The following MTUS2 variants were observed in gnomAD, a reference collection of about 807,000 sequenced individuals.
The protein encoded by MTUS2 is microtubule associated scaffold protein 2.
A neutral mutation model predicts 114.1 loss-of-function variants in MTUS2; 40 were observed. That is an observed-to-expected ratio of 0.35 (90% CI 0.27 to 0.46). The LOEUF is 0.46. Among genes scored for constraint, MTUS2 ranks in the 20% least tolerant of loss-of-function variants. The pLI, the probability that MTUS2 is intolerant of heterozygous loss-of-function variation, is 1.00. For synonymous variants in MTUS2, 688 were observed against 672.0 expected, an observed-to-expected ratio of 1.02 and a Z score of -0.37; for missense variants, 1,679 against 1,705.4, an observed-to-expected ratio of 0.98 and a Z score of 0.27.
intron 2 of MTUS2, among the ~76,000 whole-genome samples, chr13:28,854,424 T>C (rs1461952600): frequency 6.6e-6 from 1 of 152,184 alleles, no homozygotes; most frequent in Non-Finnish European, 1.5e-5. Flanking sequence ...GAGACAACAA[T>C]CCTTGCCTCC....
At chr13:29,397,879 G>A (rs912804788) in intron 8 of MTUS2, among the ~76,000 whole-genome samples, 3 of 152,018 alleles carry the variant, frequency 2.0e-5, no homozygotes, top group Non-Finnish European at 4.4e-5. Flanking sequence ...ATTAAACCAG[G>A]TTTGTTTAAT....
intron 10 of MTUS2, chr13:29,482,351 A>G (rs1427456961): frequency 6.6e-6 from 1 of 152,234 alleles, no homozygotes; most frequent in East Asian, 1.9e-4. Context: ...TAAAGCCGGG[A>G]CACGGCGGCC....
At chr13:29,370,655 T>G (rs9314951) in intron 8 of MTUS2, among the ~76,000 whole-genome samples, 30,769 of 152,126 alleles carry the variant, frequency 0.2, 3,231 homozygotes, top group Middle Eastern at 0.25. Context: ...GCTATGCTCT[T>G]GGACTTCCCA....
intron 8 of MTUS2, among the ~76,000 whole-genome samples, chr13:29,381,613 C>G (rs1872212645): frequency 6.6e-6 from 1 of 152,188 alleles, no homozygotes; most frequent in Non-Finnish European, 1.5e-5. Context: ...TAAAGTCACA[C>G]TATTAAATTG....
At chr13:29,454,104 G>A (rs1054136802) in intron 9 of MTUS2, among the ~76,000 whole-genome samples, 1 of 152,198 alleles carries the variant, frequency 6.6e-6, no homozygotes, top group Non-Finnish European at 1.5e-5. Flanking sequence ...GTCAAAGGAC[G>A]TCAATCTGTT....
chr13:28,867,895 C>T (rs907738144), intron 2 of MTUS2, among the ~76,000 whole-genome samples: 2 of 152,150 alleles, frequency 1.3e-5, no homozygotes, highest in Admixed American at 6.6e-5. Flanking sequence ...CCATCATCCC[C>T]AAGATGTGTT....
rs139775817 is a variant in MTUS2 at position 28,879,229 on chromosome 13, T to G, written c.-243+39379T>G. ...CTCTGGATATTAGACCTTTGTCAGA[T>G]GGATAGATTGCAAAAATTTTCTTCC... On this transcript the variant is annotated intron_variant, in intron 2 of 15. Coordinates refer to ENST00000612955, the MANE Select transcript of MTUS2 (RefSeq NM_001033602.4). Among the ~76,000 whole-genome samples the G allele has an allele frequency of 3.1e-3, 473 of 152,348 alleles. 3 individuals carry two copies. Among genetic ancestry groups the G allele is most frequent in the African/African-American group, 0.011 (459 of 41,580 alleles).
Position 29,148,768 on chromosome 13 carries a change from G to T in MTUS2, c.2644+47798G>T, listed in dbSNP as rs1358355373. On this transcript the variant is annotated intron_variant, in intron 5 of 15. Transcript: ENST00000612955. ...GCTGGGATTACAGGCGTGAGCCACC[G>T]CGCCCGGCCCTGTGTTTGGTTTTCT... Among the ~76,000 whole-genome samples, 18 of 60,786 alleles carry T rather than the reference G, an allele frequency of 3.0e-4. 3 individuals are homozygous for T. Among genetic ancestry groups the T allele is most frequent in the African/African-American group, 5.3e-4 (16 of 30,274 alleles). The allele number at this position is 60,786 out of a possible 152,430, so 39.9% of individuals were successfully genotyped here.
chr13:29,242,695 G>C (rs1896772921), intron 5 of MTUS2: 1 of 152,246 alleles, frequency 6.6e-6, no homozygotes, highest in African/African-American at 2.4e-5. Context: ...CTTTGTGCTG[G>C]ATCCTAAAGA....
intron 2 of MTUS2, among the ~76,000 whole-genome samples, chr13:28,922,887 A>G (rs1881123512): frequency 6.6e-6 from 1 of 152,194 alleles, no homozygotes; most frequent in Non-Finnish European, 1.5e-5. Context: ...GTAGACTTCT[A>G]TTCGGCCATC....
At chr13:29,395,040 G>A (rs1474794157) in intron 8 of MTUS2, among the ~76,000 whole-genome samples, 1 of 152,156 alleles carries the variant, frequency 6.6e-6, no homozygotes, top group Non-Finnish European at 1.5e-5. Context: ...CAGCTTTGCA[G>A]TGCCATTTCA....
Position 29,025,031 on chromosome 13 carries a change from G to A in MTUS2, c.333G>A (p.Glu111=), listed in dbSNP as rs765131891. The change falls in exon 3 of 16, where the codon GAG becomes GAA. Residue 111 remains glutamate, a synonymous_variant. Transcript: ENST00000612955. ...CCATTCAGAGGGAACTCAATGAAGA[G>A]CACACAGTGGAGAGAGGCACAGATA... is the stretch of plus-strand genomic sequence containing the variant. ...SSTIQRELNE[E]HTVERGTDSL... is the part of the protein sequence containing the mutation. 3 of 1,614,042 alleles carry A rather than the reference G, an allele frequency of 1.9e-6. No individual in the cohort carries two copies. Among genetic ancestry groups the A allele is most frequent in the South Asian group, 2.2e-5 (2 of 91,082 alleles).
chr13:28,990,833 A>G (rs1884812547), intron 2 of MTUS2, among the ~76,000 whole-genome samples: 1 of 150,646 alleles, frequency 6.6e-6, no homozygotes, highest in African/African-American at 2.4e-5. Flanking sequence ...GGTCAGCACT[A>G]CTTTTATAAG....
chr13:29,275,624 T>C (rs1898035818), intron 5 of MTUS2, among the ~76,000 whole-genome samples: 1 of 152,224 alleles, frequency 6.6e-6, no homozygotes, highest in Non-Finnish European at 1.5e-5. Flanking sequence ...ATGGGAAGTT[T>C]GTCTTTCTGT....
intron 5 of MTUS2, among the ~76,000 whole-genome samples, chr13:29,235,389 G>A (rs1181231005): frequency 3.3e-5 from 5 of 151,992 alleles, no homozygotes; most frequent in Admixed American, 6.6e-5. Context: ...GACCGCACCC[G>A]GCCAATAATG....
Position 29,111,091 on chromosome 13 carries a change from T to TA in MTUS2, c.2644+10127dup, listed in dbSNP as rs1205099057. On this transcript the variant is annotated intron_variant, in intron 5 of 15. Coordinates refer to ENST00000612955, the MANE Select transcript of MTUS2 (RefSeq NM_001033602.4). ...TGGTATTCTATGACTTTATTCTGTA[T>TA]AAAAAATGGAACCACTTATGGTCTT... Among the ~76,000 whole-genome samples the TA allele has an allele frequency of 2.6e-5, 4 of 152,264 alleles. No homozygotes were observed. In the South Asian group the frequency reaches 6.2e-4, roughly 24 times the overall value.
At chr13:28,883,147 A>T (rs765129159) in intron 2 of MTUS2, among the ~76,000 whole-genome samples, 9 of 152,234 alleles carry the variant, frequency 5.9e-5, no homozygotes, top group Non-Finnish European at 1.3e-4. Context: ...AATAGCGAGA[A>T]TACCACATAC....
intron 5 of MTUS2, among the ~76,000 whole-genome samples, chr13:29,277,004 C>T (rs1345929795): frequency 6.6e-6 from 1 of 152,194 alleles, no homozygotes; most frequent in Non-Finnish European, 1.5e-5. Context: ...AATGCCTCTT[C>T]TCCCTACTTC....
At chr13:29,033,824 T>C (rs1886937172) in intron 3 of MTUS2, 61 bp from the exon 4 acceptor site, 1 of 1,598,484 alleles carries the variant, frequency 6.3e-7, no homozygotes, top group Admixed American at 1.7e-5. Flanking sequence ...CTCGTGGTCC[T>C]GTATAGAACT....
Sources: gnomAD v4.1 joint callset for allele counts (sites outside exome capture counted in the v4.1 genomes callset) on GRCh38, gnomAD v4.1.1 for gene constraint, MANE v1.5 for transcripts, NCBI Gene and HGNC (gene_info 2026-07-23, HGNC 2026-07-21) for gene names.